ALK: variants seen among roughly 807,000 people sequenced by gnomAD.
The protein encoded by ALK is ALK tyrosine kinase receptor.
In ALK, 74 loss-of-function variants were observed where a neutral mutation model predicts 163.1. The observed-to-expected ratio is 0.45, with a 90% CI of 0.38 to 0.55. ALK has a LOEUF of 0.55. Ranked by LOEUF, ALK falls within the 20% of genes least tolerant of loss-of-function variation. ALK has a pLI of 0.00. For synonymous variants in ALK, 960 were observed against 843.2 expected, an observed-to-expected ratio of 1.14 and a Z score of -2.40; for missense variants, 2,063 against 2,105.3, an observed-to-expected ratio of 0.98 and a Z score of 0.39.
At chr2:29,845,306 C>T (rs1246526253) in intron 1 of ALK, among the ~76,000 whole-genome samples, 1 of 152,178 alleles carries the variant, frequency 6.6e-6, no homozygotes, top group African/African-American at 2.4e-5. Flanking sequence ...TTCCCTGGCA[C>T]TTTAATTCTG....
chr2:29,846,181 CCTGT>C (rs112062680), intron 1 of ALK, among the ~76,000 whole-genome samples: 89 of 152,314 alleles, frequency 5.8e-4, no homozygotes, highest in African/African-American at 1.8e-3. Flanking sequence ...ACCCTGAACT[CCTGT>C]CTGTTTCTTG....
At chr2:29,629,398 A>G (rs10205397) in intron 3 of ALK, among the ~76,000 whole-genome samples, 97,040 of 152,002 alleles carry the variant, frequency 0.64, 31,914 homozygotes, top group Middle Eastern at 0.75. Context: ...GAATATGACA[A>G]TGAACAGACA....
intron 3 of ALK, among the ~76,000 whole-genome samples, chr2:29,549,161 C>CACACACAT (rs397956669): frequency 1.4e-5 from 2 of 147,956 alleles, no homozygotes; most frequent in Non-Finnish European, 3.1e-5. Context: ...CACACACACA[C>CACACACAT]GCACACACAC....
intron 1 of ALK, among the ~76,000 whole-genome samples, chr2:29,860,399 A>G (rs529228400): frequency 1.3e-5 from 2 of 152,018 alleles, no homozygotes; most frequent in Non-Finnish European, 2.9e-5. Context: ...GGAGAAAAAA[A>G]AAAAAAAACA....
intron 4 of ALK, among the ~76,000 whole-genome samples, chr2:29,521,882 C>T (rs1573424979): frequency 6.6e-6 from 1 of 152,176 alleles, no homozygotes; most frequent in African/African-American, 2.4e-5. Flanking sequence ...AGAGCGGAGG[C>T]CAGCCTTTCT....
At chr2:29,635,145 A>C (rs941326917) in intron 3 of ALK, among the ~76,000 whole-genome samples, 3 of 152,214 alleles carry the variant, frequency 2.0e-5, no homozygotes, top group Admixed American at 1.3e-4. Flanking sequence ...AGCTACATAA[A>C]TGGAAAGAAT....
At chr2:29,650,815 C>G (rs1677016938) in intron 3 of ALK, among the ~76,000 whole-genome samples, 1 of 152,126 alleles carries the variant, frequency 6.6e-6, no homozygotes, top group African/African-American at 2.4e-5. Context: ...CCCCTCCCCT[C>G]TGACTTCAGA....
intron 1 of ALK, among the ~76,000 whole-genome samples, chr2:29,751,201 G>C (rs989306457): frequency 1.3e-5 from 2 of 152,148 alleles, no homozygotes; most frequent in Non-Finnish European, 2.9e-5. Context: ...AAGTTGCTTT[G>C]GGTGAGTCAG....
chr2:29,634,699 T>C (rs1676473394), intron 3 of ALK, among the ~76,000 whole-genome samples: 1 of 152,178 alleles, frequency 6.6e-6, no homozygotes, highest in Non-Finnish European at 1.5e-5. Flanking sequence ...CTACTTTCCT[T>C]CTGAGATTTA....
chr2:29,415,735 G>C (rs1669859534), intron 4 of ALK, among the ~76,000 whole-genome samples: 1 of 152,228 alleles, frequency 6.6e-6, no homozygotes, highest in South Asian at 2.1e-4. Flanking sequence ...ACTGAGTAAA[G>C]AAGGCCTGCT....
At chr2:29,813,726 C>T (rs182870963) in intron 1 of ALK, among the ~76,000 whole-genome samples, 2 of 152,252 alleles carry the variant, frequency 1.3e-5, no homozygotes, top group South Asian at 2.1e-4. Context: ...CCACATCTGC[C>T]GACTCCAAGT....
At chr2:29,838,416 C>A (rs1190768083) in intron 1 of ALK, among the ~76,000 whole-genome samples, 1 of 151,946 alleles carries the variant, frequency 6.6e-6, no homozygotes, top group African/African-American at 2.4e-5. Flanking sequence ...TCTACCAGGG[C>A]ACATCATAAT....
At chr2:29,435,629 TA>T (rs759242560) in intron 4 of ALK, among the ~76,000 whole-genome samples, 2,614 of 138,954 alleles carry the variant, frequency 0.019, 66 homozygotes, top group African/African-American at 0.053. Flanking sequence ...CACGGTGGTT[TA>T]AAAAAAAAAA....
chr2:29,342,695 A>T (rs1347114241), intron 5 of ALK, among the ~76,000 whole-genome samples: 1 of 152,068 alleles, frequency 6.6e-6, no homozygotes, highest in African/African-American at 2.4e-5. Context: ...CTACTGAGAA[A>T]AGCCTGTGGC....
intron 25 of ALK, among the ~76,000 whole-genome samples, chr2:29,207,525 T>C (rs1255528680): frequency 1.3e-5 from 2 of 152,250 alleles, no homozygotes; most frequent in African/African-American, 4.8e-5. Context: ...ATGACTAAGA[T>C]ACCTGCTAGC....
At chr2:29,743,267 T>A (rs1680111725) in intron 1 of ALK, among the ~76,000 whole-genome samples, 1 of 152,218 alleles carries the variant, frequency 6.6e-6, no homozygotes, top group African/African-American at 2.4e-5. Flanking sequence ...CCCAGAAGTT[T>A]CCCTTAATGA....
chr2:29,579,119 G>C (rs1001259814), intron 3 of ALK, among the ~76,000 whole-genome samples: 7 of 152,204 alleles, frequency 4.6e-5, no homozygotes, highest in Non-Finnish European at 8.8e-5. Flanking sequence ...GAATGGGTCT[G>C]GAAATCCACA....
At chr2:29,682,942 A>G (rs1484228208) in intron 3 of ALK, among the ~76,000 whole-genome samples, 1 of 152,228 alleles carries the variant, frequency 6.6e-6, no homozygotes, top group African/African-American at 2.4e-5. Flanking sequence ...CTGCCACACT[A>G]TGCATGCTAT....
At chr2:29,323,708 CT>C (rs1475575805) in intron 6 of ALK, among the ~76,000 whole-genome samples, 1 of 152,178 alleles carries the variant, frequency 6.6e-6, no homozygotes, top group East Asian at 1.9e-4. Context: ...ACAAAGACCC[CT>C]GTGGATTAGG....
Sources: allele counts gnomAD v4.1 joint callset (sites outside exome capture counted in the v4.1 genomes callset), GRCh38; gene constraint gnomAD v4.1.1; transcripts MANE v1.5; gene names NCBI Gene and HGNC (gene_info 2026-07-23, HGNC 2026-07-21).